The following C9orf72 variants were observed in gnomAD, a reference collection of about 807,000 sequenced individuals.
C9orf72 encodes the protein guanine nucleotide exchange factor C9orf72.
A neutral mutation model predicts 51.6 loss-of-function variants in C9orf72; 44 were observed. That is an observed-to-expected ratio of 0.85 (90% CI 0.67 to 1.10). C9orf72 has a LOEUF of 1.10. C9orf72 is among the 50% of genes least tolerant of loss of function. The pLI, the probability that C9orf72 is intolerant of heterozygous loss-of-function variation, is 0.00. For missense variants in C9orf72, 607 were observed against 570.6 expected (o/e 1.06, Z -0.65); for synonymous variants, 213 against 194.2 (o/e 1.10, Z -0.81).
Position 27,547,928 on chromosome 9 carries a change from A to C in C9orf72, c.*308T>G, listed in dbSNP as rs1056144255. 1.1e-5 allele frequency: 2 copies of C among 182,792 alleles called. No individual in the cohort carries two copies. Among genetic ancestry groups the C allele is most frequent in the Non-Finnish European group, 2.3e-5 (2 of 88,386 alleles). 11.3% of individuals were successfully genotyped at this position (182,792 alleles called of 1,614,324 possible). A position where few individuals can be genotyped will look rare whatever the true frequency, so the allele number is the denominator to read the frequency against. ...TGTAAACCATGAATCATGTATTTCA[A>C]AAAAACAGTAGTTGTGGTCAAGTTT... On this transcript the variant is annotated 3_prime_UTR_variant, in exon 11 of 11. Transcript: ENST00000380003.
chr9:27,549,373 G>C (rs755893082), intron 9 of C9orf72, among the ~76,000 whole-genome samples: 1 of 152,050 alleles, frequency 6.6e-6, no homozygotes, highest in African/African-American at 2.4e-5. Flanking sequence ...GGTGGAGTGG[G>C]TGGGTAGGAG....
At position 27,548,219 on chromosome 9, in the gene C9orf72, CTTA is replaced by C. The variant is rs759933022; in HGVS notation, c.*14_*16del. The C allele has an allele frequency of 1.1e-5, 18 of 1,586,258 alleles. No individual in the cohort carries two copies. The Admixed American group carries it at 2.9e-4, about 26-fold the overall frequency. On this transcript the variant is annotated 3_prime_UTR_variant, in exon 11 of 11. Coordinates refer to ENST00000380003, the MANE Select transcript of C9orf72 (RefSeq NM_018325.5). ...GCGATCATGATTGTGATGGAATAGG[CTTA>C]TTAAGTTACACATTTAAAAAGTCAT... is the stretch of plus-strand genomic sequence containing the variant.
intron 1 of C9orf72, among the ~76,000 whole-genome samples, 162 bp from the exon 2 acceptor site, chr9:27,567,326 G>A (rs1393930730): frequency 6.6e-6 from 1 of 152,156 alleles, no homozygotes; most frequent in Non-Finnish European, 1.5e-5. Flanking sequence ...CACAGTAGGT[G>A]CACATTAAAT....
Position 27,547,981 on chromosome 9 carries a change from T to C in C9orf72, c.*255A>G, listed in dbSNP as rs752566086. On this transcript the variant is annotated 3_prime_UTR_variant, in exon 11 of 11. Transcript: ENST00000380003. ...ATCCTATTATTATATCTTTAAAAGATAGCAATAATATTTATTATATTGTAA... is the reference window on the plus strand; with the variant it reads ...ATCCTATTATTATATCTTTAAAAGACAGCAATAATATTTATTATATTGTAA... 12 of 270,712 alleles carry C rather than the reference T, an allele frequency of 4.4e-5. No homozygotes were observed. Among genetic ancestry groups the C allele is most frequent in the South Asian group, 3.2e-4 (2 of 6,242 alleles). The allele number at this position is 270,712 out of a possible 1,614,324, so 16.8% of individuals were successfully genotyped here. A position where few individuals can be genotyped will look rare whatever the true frequency, so the allele number is the denominator to read the frequency against.
chr9:27,560,299 A>C lies in C9orf72; in HGVS notation c.666T>G (p.Asn222Lys). The change falls in exon 6 of 11, where the codon AAT becomes AAG. Residue 222 changes from asparagine to lysine, a missense_variant and splice_region_variant. Transcript: ENST00000380003. ...GDSCHEGFLL[N>K]AISSHLQTCG... is the part of the protein sequence containing the mutation. ...AGGTTTGCAAGTGTGAGCTGATGGC[A>C]CTGTAAGTTAAAGAAAACAGATTAA... The C allele has an allele frequency of 6.2e-7, 1 of 1,607,166 alleles. No homozygotes were observed. Among genetic ancestry groups the C allele is most frequent in the East Asian group, 2.2e-5 (1 of 44,720 alleles).
At chr9:27,564,417 A>G (rs7859060) in intron 3 of C9orf72, among the ~76,000 whole-genome samples, 32,856 of 152,162 alleles carry the variant, frequency 0.22, 3,691 homozygotes, top group Non-Finnish European at 0.23. Context: ...TCAACTTGCG[A>G]TAAGTTTACT....
chr9:27,555,383 C>G (rs888377403), intron 8 of C9orf72, among the ~76,000 whole-genome samples: 1 of 152,150 alleles, frequency 6.6e-6, no homozygotes, highest in African/African-American at 2.4e-5. Context: ...TTGGTTAACA[C>G]TTACTGTGTA....
At position 27,548,169 on chromosome 9, in the gene C9orf72, C is replaced by T; in HGVS notation, c.*67G>A. 1 of 1,259,972 alleles carries T rather than the reference C, an allele frequency of 7.9e-7. No individual in the cohort carries two copies. The highest frequency in any genetic ancestry group is 1.1e-6 in the Non-Finnish European group (1 of 905,346). 78.0% of individuals were successfully genotyped at this position (1,259,972 alleles called of 1,614,324 possible). A position where few individuals can be genotyped will look rare whatever the true frequency, so the allele number is the denominator to read the frequency against. ...GGAGTATGATCCAGGGGAACGTTTC[C>T]CCACACCACTGAGCTACTTTACCAG... On this transcript the variant is annotated 3_prime_UTR_variant, in exon 11 of 11. Transcript: ENST00000380003.
chr9:27,570,791 C>A (rs368530485), intron 1 of C9orf72, among the ~76,000 whole-genome samples: 2 of 151,944 alleles, frequency 1.3e-5, no homozygotes, highest in Non-Finnish European at 2.9e-5. Flanking sequence ...CTCTTGAACC[C>A]GGAGGTGGCA....
chr9:27,559,525 T>A (rs1216201779), intron 6 of C9orf72: 1 of 151,480 alleles, frequency 6.6e-6, no homozygotes, highest in Non-Finnish European at 1.5e-5. Context: ...CAAAAAAAAA[T>A]TATGAATATC....
At position 27,565,808 on chromosome 9, in the gene C9orf72, A is replaced by T. The variant is rs191460519; in HGVS notation, c.445-218T>A. ...CAAAACAACCTTTATTCTGCAGTGA[A>T]AAAAAGATAACTTCACAGAAAACAG... On this transcript the variant is annotated intron_variant, in intron 2 of 10. Coordinates refer to ENST00000380003, the MANE Select transcript of C9orf72 (RefSeq NM_018325.5). Among the ~76,000 whole-genome samples, 399 of 152,268 alleles carry T rather than the reference A, an allele frequency of 2.6e-3. 3 individuals carry two copies. Among genetic ancestry groups the T allele is most frequent in the Non-Finnish European group, 4.1e-3 (278 of 67,982 alleles).
rs917836310 is a variant in C9orf72 at position 27,548,379 on chromosome 9, T to C, written c.1303A>G (p.Ile435Val). ...KPFKSLRNLK[I>V]DLDLTAEGDL... ...CCCTCTGCTGTTAAATCAAGGTCTATCTTCAGGTTCCGAAGAGATTTAAAG... is the reference window on the plus strand; with the variant it reads ...CCCTCTGCTGTTAAATCAAGGTCTACCTTCAGGTTCCGAAGAGATTTAAAG... Residue 435 changes from isoleucine to valine, a missense_variant, in exon 11 of 11, where the codon ATA becomes GTA. Coordinates refer to ENST00000380003, the MANE Select transcript of C9orf72 (RefSeq NM_018325.5). 8 of 1,598,730 alleles carry C rather than the reference T, an allele frequency of 5.0e-6. No individual in the cohort carries two copies. Among genetic ancestry groups the C allele is most frequent in the Admixed American group, 3.5e-5 (2 of 57,838 alleles).
At chr9:27,557,861 CACT>C (rs1247597206) in intron 7 of C9orf72, among the ~76,000 whole-genome samples, 1 of 151,866 alleles carries the variant, frequency 6.6e-6, no homozygotes, top group Non-Finnish European at 1.5e-5. Context: ...AGAAAGTAGT[CACT>C]ATGAGACAAT....
chr9:27,548,948 G>A (rs1015628268), intron 9 of C9orf72, among the ~76,000 whole-genome samples: 4 of 151,874 alleles, frequency 2.6e-5, no homozygotes, highest in Non-Finnish European at 4.4e-5. Context: ...GGGTTCAAGC[G>A]ATTCTCCTGC....
rs1270427864 is a variant in C9orf72, at chr9:27,566,995, C to T, written c.126G>A (p.Arg42=). 4 of 1,614,048 alleles carry T rather than the reference C, an allele frequency of 2.5e-6. No individual in the cohort carries two copies. The highest frequency in any genetic ancestry group is 2.2e-5 in the East Asian group (1 of 44,874). The change falls in exon 2 of 11, where the codon AGG becomes AGA. Residue 42 remains arginine (R), a synonymous_variant. Transcript: ENST00000380003. ...GTTCTGTCTTTGGAGCCCAAATGTG[C>T]CTTACTCTAGGACCAAGAATATTGT... The part of the protein sequence containing the change: ...YWDNILGPRV[R]HIWAPKTEQV...
chr9:27,564,892 CTG>C (rs1375667150), intron 3 of C9orf72, among the ~76,000 whole-genome samples: 2 of 152,210 alleles, frequency 1.3e-5, no homozygotes, highest in East Asian at 3.9e-4. Flanking sequence ...GTGAAATAGT[CTG>C]TACTTAGTTT....
intron 3 of C9orf72, among the ~76,000 whole-genome samples, chr9:27,562,843 G>A (rs1819383202): frequency 6.6e-6 from 1 of 151,824 alleles, no homozygotes; most frequent in African/African-American, 2.4e-5. Flanking sequence ...GCTGATTTTT[G>A]TATTTTTAGT....
rs117586386 is a variant in C9orf72 at position 27,556,943 on chromosome 9, T to C, written c.856-147A>G. On this transcript the variant is annotated intron_variant, in intron 7 of 10. Coordinates refer to ENST00000380003, the MANE Select transcript of C9orf72 (RefSeq NM_018325.5). ...CTATTCATGAGTGTGTGCAAAGTTTTAGTGACAGAAGTGTTCAGTATAGCA... is the reference window on the plus strand; with the variant it reads ...CTATTCATGAGTGTGTGCAAAGTTTCAGTGACAGAAGTGTTCAGTATAGCA... The C allele has an allele frequency of 5.1e-4, 319 of 620,842 alleles. 2 individuals are homozygous for C. In the East Asian group the frequency reaches 8.3e-3, roughly 16 times the overall value. The allele number at this position is 620,842 out of a possible 1,614,324, so 38.5% of individuals were successfully genotyped here. A position where few individuals can be genotyped will look rare whatever the true frequency, so the allele number is the denominator to read the frequency against.
Position 27,555,589 on chromosome 9 carries a change from A to C in C9orf72, c.1091+972T>G, listed in dbSNP as rs1820992585. Among the ~76,000 whole-genome samples the C allele has an allele frequency of 2.0e-5, 3 of 147,136 alleles. No individual in the cohort carries two copies. In the Admixed American group the frequency reaches 2.0e-4, roughly 10 times the overall value. ...TTTTTTTTTTTTTTAAATAAGACAG[A>C]GTCTCGGTGTTCCCCAGGCTGGAGT... On this transcript the variant is annotated intron_variant, in intron 8 of 10. Coordinates refer to ENST00000380003, the MANE Select transcript of C9orf72 (RefSeq NM_018325.5).
Sources: allele counts gnomAD v4.1 joint callset (sites outside exome capture counted in the v4.1 genomes callset), GRCh38; gene constraint gnomAD v4.1.1; transcripts MANE v1.5; gene names NCBI Gene and HGNC (gene_info 2026-07-23, HGNC 2026-07-21).